Variants in JAM3 observed in about 807,000 individuals in gnomAD.
JAM3 encodes junctional adhesion molecule 3, also known as junctional adhesion molecule C.
In JAM3, 31 loss-of-function variants were observed where a neutral mutation model predicts 39.4. The observed-to-expected ratio is 0.79, with a 90% CI of 0.59 to 1.06. The LOEUF (loss-of-function observed/expected upper bound fraction) is 1.06. Ranked by LOEUF, JAM3 falls within the 50% of genes least tolerant of loss-of-function variation. The probability of loss-of-function intolerance (pLI) is 0.00; values close to 1 mark genes in which losing one functional copy is unlikely to be tolerated. For synonymous variants in JAM3, 182 were observed against 148.7 expected (o/e 1.22, Z -1.63); for missense variants, 455 against 391.4 (o/e 1.16, Z -1.37).
chr11:134,147,224 CGGGT>C (rs1555121374), intron 6 of JAM3, among the ~76,000 whole-genome samples: 3 of 151,778 alleles, frequency 2.0e-5, no homozygotes, highest in Non-Finnish European at 4.4e-5. Flanking sequence ...GAGGCTGAGG[CGGGT>C]GGATCACCTG....
intron 1 of JAM3, among the ~76,000 whole-genome samples, chr11:134,074,987 CT>C (rs57613157): frequency 2.6e-3 from 329 of 124,482 alleles, no homozygotes; most frequent in Middle Eastern, 4.6e-3. Context: ...AAGACAGCTG[CT>C]TTTTTTTTTT....
chr11:134,107,489 TATAA>T (rs1190519142), intron 1 of JAM3, among the ~76,000 whole-genome samples: 1 of 151,734 alleles, frequency 6.6e-6, no homozygotes, highest in Non-Finnish European at 1.5e-5. Flanking sequence ...AAAAAATATA[TATAA>T]ATAGTCAAAA....
intron 1 of JAM3, among the ~76,000 whole-genome samples, chr11:134,131,088 AC>A (rs1164094313): frequency 6.6e-6 from 1 of 152,224 alleles, no homozygotes; most frequent in Non-Finnish European, 1.5e-5. Flanking sequence ...CAGGCAAGAC[AC>A]ATGATCAGAA....
intron 1 of JAM3, among the ~76,000 whole-genome samples, chr11:134,133,019 G>A (rs903085963): frequency 6.6e-6 from 1 of 152,168 alleles, no homozygotes; most frequent in Non-Finnish European, 1.5e-5. Context: ...TCACTTCTCT[G>A]ACAAATCTAA....
chr11:134,118,603 G>C (rs934998283), intron 1 of JAM3, among the ~76,000 whole-genome samples: 13 of 152,014 alleles, frequency 8.6e-5, no homozygotes, highest in African/African-American at 3.1e-4. Flanking sequence ...AACCTTGTCT[G>C]CTCTGCTGCC....
chr11:134,111,648 C>T (rs1942313889), intron 1 of JAM3, among the ~76,000 whole-genome samples: 1 of 151,876 alleles, frequency 6.6e-6, no homozygotes. Context: ...AGAATGAGAC[C>T]CTACAATGTA....
rs1230205360 is a variant in JAM3 at position 134,150,372 on chromosome 11, T to G, written c.*1191T>G. 2.0e-5 allele frequency: 3 copies of G among 152,474 alleles called. No individual in the cohort carries two copies. The East Asian group carries it at 5.7e-4, about 29-fold the overall frequency. 9.4% of individuals were successfully genotyped at this position (152,474 alleles called of 1,614,324 possible). A position where few individuals can be genotyped will look rare whatever the true frequency, so the allele number is the denominator to read the frequency against. Reference sequence around the variant, plus strand: ...AAGCCCTCAGATGTACATACACAGATGCCAGTCAGCTCCTGGGGTTGCGCC... The same window carrying G: ...AAGCCCTCAGATGTACATACACAGAGGCCAGTCAGCTCCTGGGGTTGCGCC... On this transcript the variant is annotated 3_prime_UTR_variant, in exon 9 of 9. Coordinates refer to ENST00000299106, the MANE Select transcript of JAM3 (RefSeq NM_032801.5).
At chr11:134,138,713 C>G (rs978806900) in intron 1 of JAM3, among the ~76,000 whole-genome samples, 1 of 152,226 alleles carries the variant, frequency 6.6e-6, no homozygotes, top group South Asian at 2.1e-4. Context: ...GTCCTTTGTT[C>G]TATAACTTTT....
At position 134,147,459 on chromosome 11, in the gene JAM3, C is replaced by CAA. The variant is rs557379286; in HGVS notation, c.713-1070_713-1069dup. Among the ~76,000 whole-genome samples the CAA allele has an allele frequency of 8.6e-3, 606 of 70,828 alleles. 14 individuals are homozygous for CAA. Among genetic ancestry groups the CAA allele is most frequent in the African/African-American group, 0.024 (489 of 20,524 alleles). 46.5% of individuals were successfully genotyped at this position (70,828 alleles called of 152,430 possible). A position where few individuals can be genotyped will look rare whatever the true frequency, so the allele number is the denominator to read the frequency against. The stretch of plus-strand genomic sequence containing the variant: ...ACGGTGACGGAGCAAGACTCTGTCT[C>CAA]AAAAAAAAAAAAAAAAAAACGATTG... On this transcript the variant is annotated intron_variant, in intron 6 of 8. Transcript: ENST00000299106.
chr11:134,117,469 A>G (rs1315068203), intron 1 of JAM3, among the ~76,000 whole-genome samples: 2 of 152,246 alleles, frequency 1.3e-5, no homozygotes, highest in African/African-American at 2.4e-5. Flanking sequence ...GGTAGTTTGC[A>G]GTCTGTTCTA....
intron 1 of JAM3, among the ~76,000 whole-genome samples, chr11:134,107,542 T>A (rs1257002042): frequency 1.3e-5 from 2 of 151,994 alleles, no homozygotes; most frequent in African/African-American, 4.8e-5. Flanking sequence ...AAATGTGACA[T>A]CAGAATTAAG....
intron 1 of JAM3, 128 bp from the exon 2 acceptor site, chr11:134,139,723 G>A: frequency 2.6e-6 from 2 of 756,966 alleles, no homozygotes; most frequent in Non-Finnish European, 4.8e-6. Flanking sequence ...ACTTTATTGT[G>A]GAATATTTTT....
intron 1 of JAM3, among the ~76,000 whole-genome samples, chr11:134,084,007 T>C (rs1591771360): frequency 2.0e-5 from 3 of 152,356 alleles, no homozygotes; most frequent in Admixed American, 2.0e-4. Flanking sequence ...AGCTTATGGC[T>C]ACATAATAAG....
At chr11:134,148,444 G>A (rs1316771139) in intron 6 of JAM3, 103 bp from the exon 7 acceptor site, 4 of 1,482,680 alleles carry the variant, frequency 2.7e-6, no homozygotes, top group Non-Finnish European at 3.8e-6. Flanking sequence ...GGGGCAGGGG[G>A]CAAGTGGGTT....
chr11:134,073,651 G>T (rs535183444), intron 1 of JAM3, among the ~76,000 whole-genome samples: 3 of 152,154 alleles, frequency 2.0e-5, no homozygotes, highest in African/African-American at 4.8e-5. Context: ...GTAAAACATC[G>T]CCAGTCCTTA....
At chr11:134,075,888 A>C (rs1190395412) in intron 1 of JAM3, among the ~76,000 whole-genome samples, 1 of 152,116 alleles carries the variant, frequency 6.6e-6, no homozygotes, top group Non-Finnish European at 1.5e-5. Flanking sequence ...ATGTTTAGTC[A>C]TTCTGTCCTT....
At chr11:134,106,202 A>T (rs1196510744) in intron 1 of JAM3, among the ~76,000 whole-genome samples, 3 of 152,138 alleles carry the variant, frequency 2.0e-5, no homozygotes, top group Non-Finnish European at 4.4e-5. Context: ...ACACATCTAC[A>T]ACCATCTGAT....
At chr11:134,107,143 T>C (rs879529293) in intron 1 of JAM3, among the ~76,000 whole-genome samples, 115 of 152,328 alleles carry the variant, frequency 7.5e-4, no homozygotes, top group South Asian at 3.1e-3. Context: ...CATGGAATAC[T>C]ATGCAGCCAT....
At chr11:134,115,982 T>C (rs1319385864) in intron 1 of JAM3, among the ~76,000 whole-genome samples, 1 of 152,102 alleles carries the variant, frequency 6.6e-6, no homozygotes, top group Non-Finnish European at 1.5e-5. Flanking sequence ...GTATATAATA[T>C]CATCATGACA....
Sources: gnomAD v4.1 joint callset for allele counts (sites outside exome capture counted in the v4.1 genomes callset) on GRCh38, gnomAD v4.1.1 for gene constraint, MANE v1.5 for transcripts, NCBI Gene and HGNC (gene_info 2026-07-23, HGNC 2026-07-21) for gene names.